The following ZNF382 variants were observed in gnomAD, a reference collection of about 807,000 sequenced individuals.
The protein encoded by ZNF382 is KRAB/zinc finger suppressor protein 1.
In ZNF382, 20 loss-of-function variants were observed where a neutral mutation model predicts 38.8. The ratio of observed to expected loss-of-function variants is 0.51; its 90% CI spans 0.36 to 0.75. The LOEUF (loss-of-function observed/expected upper bound fraction) is 0.75, where lower values mean the gene tolerates loss of function less well. ZNF382 is among the 30% of genes least tolerant of loss of function. The probability of loss-of-function intolerance (pLI) is 0.00; values close to 1 mark genes in which losing one functional copy is unlikely to be tolerated. For missense variants in ZNF382, 546 were observed against 654.1 expected (o/e 0.83, Z 1.80); for synonymous variants, 202 against 223.1 (o/e 0.91, Z 0.84).
rs529168828 is a variant in ZNF382 at position 36,631,762 on chromosome 19, T to G, written c.*4212T>G. 16 of 152,280 alleles carry G rather than the reference T, an allele frequency of 1.1e-4. No individual in the cohort carries two copies. Among genetic ancestry groups the G allele is most frequent in the Admixed American group, 9.2e-4 (14 of 15,280 alleles). 9.4% of individuals were successfully genotyped at this position (152,280 alleles called of 1,614,324 possible). ...AAAATGTCATGTGGTGCATGAGTAT[T>G]TTTCATCTAACTTATATATTGCTCA... On this transcript the variant is annotated 3_prime_UTR_variant, in exon 5 of 5. Transcript: ENST00000292928.
chr19:36,613,998 A>G (rs1436080647), intron 4 of ZNF382, among the ~76,000 whole-genome samples: 1 of 152,148 alleles, frequency 6.6e-6, no homozygotes, highest in African/African-American at 2.4e-5. Context: ...TAACTTTATA[A>G]TAAGTCTGGA....
In ZNF382 at chr19:36,626,545, A is replaced by G; in HGVS notation, c.648A>G (p.Glu216=). 6.2e-7 allele frequency: 1 copy of G among 1,613,318 alleles called. No individual in the cohort carries two copies. The highest frequency in any genetic ancestry group is 8.5e-7 in the Non-Finnish European group (1 of 1,179,802). ...CAGAGCAACCATTTGACCATAATGAATGTGAAAAATCCTTCCTGATGAAAG... is the reference window on the plus strand; with the variant it reads ...CAGAGCAACCATTTGACCATAATGAGTGTGAAAAATCCTTCCTGATGAAAG... The part of the protein sequence containing the change: ...QAPEQPFDHN[E]CEKSFLMKGM... The change falls in exon 5 of 5, where the codon GAA becomes GAG. Residue 216 remains glutamate (E), a synonymous_variant. Coordinates refer to ENST00000292928, the MANE Select transcript of ZNF382 (RefSeq NM_032825.5).
chr19:36,611,902 A>G lies in ZNF382; in HGVS notation c.232+1160A>G, dbSNP rs768606123. On this transcript the variant is annotated intron_variant, in intron 4 of 4. Transcript: ENST00000292928. ...CATGGCTGACTTTCATGCCTCTAAA[A>G]TGTAAATTTTAGGTATGAATATCAC... Among the ~76,000 whole-genome samples, 96 of 152,302 alleles carry G rather than the reference A, an allele frequency of 6.3e-4. 1 individual carries two copies. Among genetic ancestry groups the G allele is most frequent in the Non-Finnish European group, 2.8e-4 (19 of 68,030 alleles).
chr19:36,614,539 A>G (rs974607858), intron 4 of ZNF382, among the ~76,000 whole-genome samples: 4 of 152,166 alleles, frequency 2.6e-5, no homozygotes, highest in Admixed American at 2.6e-4. Flanking sequence ...AGCTTCTCTA[A>G]TTCCTGAAAG....
At chr19:36,621,887 A>G (rs374816443) in intron 4 of ZNF382, among the ~76,000 whole-genome samples, 15 of 152,306 alleles carry the variant, frequency 9.8e-5, no homozygotes, top group East Asian at 3.9e-4. Context: ...TATATGATGG[A>G]TACTATATGT....
chr19:36,632,253 A>G lies in ZNF382; in HGVS notation c.*4703A>G, dbSNP rs2037258326. The stretch of plus-strand genomic sequence containing the variant: ...ACCCAGGCTGGAGTGCAATGGTGCA[A>G]TCTCAGCCCACTGCAACCTCCGCCT... On this transcript the variant is annotated 3_prime_UTR_variant, in exon 5 of 5. Coordinates refer to ENST00000292928, the MANE Select transcript of ZNF382 (RefSeq NM_032825.5). 1 of 152,220 alleles carries G rather than the reference A, an allele frequency of 6.6e-6. No homozygotes were observed. The allele number at this position is 152,220 out of a possible 1,614,324, so 9.4% of individuals were successfully genotyped here. A position where few individuals can be genotyped will look rare whatever the true frequency, so the allele number is the denominator to read the frequency against.
chr19:36,621,813 C>G (rs1460554180), intron 4 of ZNF382, among the ~76,000 whole-genome samples: 2 of 152,052 alleles, frequency 1.3e-5, no homozygotes, highest in African/African-American at 4.8e-5. Flanking sequence ...GGAACCTGTC[C>G]CCTTAGATTG....
In ZNF382 at chr19:36,633,002, C is replaced by T. The variant is rs1415034441; in HGVS notation, c.*5452C>T. ...GGCTCCAACACTAGTCTACAACATG[C>T]ACCTGGGATGTTCTAGATATTTATC... is the stretch of plus-strand genomic sequence containing the variant. On this transcript the variant is annotated 3_prime_UTR_variant, in exon 5 of 5. Coordinates refer to ENST00000292928, the MANE Select transcript of ZNF382 (RefSeq NM_032825.5). The T allele has an allele frequency of 6.6e-6, 1 of 151,928 alleles. No individual in the cohort carries two copies. Among genetic ancestry groups the T allele is most frequent in the Non-Finnish European group, 1.5e-5 (1 of 68,016 alleles). 9.4% of individuals were successfully genotyped at this position (151,928 alleles called of 1,614,324 possible).
At chr19:36,609,854 G>C in intron 2 of ZNF382, 48 bp from the exon 3 acceptor site, 1 of 1,523,074 alleles carries the variant, frequency 6.6e-7, no homozygotes, top group South Asian at 1.3e-5. Context: ...AACATTGTCA[G>C]TACTAGGTCT....
At chr19:36,605,737 G>A (rs2037016667) in intron 1 of ZNF382, 1 of 152,390 alleles carries the variant, frequency 6.6e-6, no homozygotes, top group African/African-American at 2.4e-5. Context: ...TTAGGTGCTT[G>A]CCTCTCTTTG....
intron 4 of ZNF382, among the ~76,000 whole-genome samples, chr19:36,615,406 G>A (rs1258287458): frequency 1.3e-5 from 2 of 152,172 alleles, no homozygotes; most frequent in African/African-American, 4.8e-5. Context: ...TTCTATAACA[G>A]ATTGGCAAAT....
chr19:36,621,008 C>G (rs1268639738), intron 4 of ZNF382, among the ~76,000 whole-genome samples: 1 of 152,094 alleles, frequency 6.6e-6, no homozygotes, highest in Non-Finnish European at 1.5e-5. Context: ...ATGTGCCCAC[C>G]TTCGCCTCCG....
intron 1 of ZNF382, among the ~76,000 whole-genome samples, chr19:36,606,308 GA>G (rs1406194450): frequency 8.8e-6 from 1 of 114,136 alleles, no homozygotes; most frequent in East Asian, 2.2e-4. Context: ...GGACATGCAG[GA>G]AATTTTTTTT....
At chr19:36,614,985 T>C (rs2037114073) in intron 4 of ZNF382, among the ~76,000 whole-genome samples, 1 of 121,860 alleles carries the variant, frequency 8.2e-6, no homozygotes, top group African/African-American at 3.5e-5. Flanking sequence ...TTTCCTTCTT[T>C]CTTTTTTTTT....
chr19:36,609,966 C>T lies in ZNF382; in HGVS notation c.52C>T (p.Gln18Ter), dbSNP rs1280108959. The change falls in exon 3 of 5, where the codon CAG becomes TAG. Residue 18 changes from glutamine to a stop codon, truncating the protein, a stop_gained. Transcript: ENST00000292928. LOFTEE classifies it high-confidence loss of function. ...CAAGGATGTGACTGTGGACTTCACC[C>T]AGGAGGAGTGGCAGCAACTAGACCC... ...SFKDVTVDFT[Q>*]EEWQQLDPAQ... is the part of the protein sequence containing the mutation. 6.2e-7 allele frequency: 1 copy of T among 1,613,976 alleles called. No individual in the cohort carries two copies. The highest frequency in any genetic ancestry group is 1.7e-5 in the Admixed American group (1 of 59,944).
chr19:36,620,774 A>G (rs1340370810), intron 4 of ZNF382, among the ~76,000 whole-genome samples: 1 of 148,376 alleles, frequency 6.7e-6, no homozygotes, highest in Non-Finnish European at 1.5e-5. Flanking sequence ...TTTTTTTTTA[A>G]TTGAGATGGA....
At chr19:36,623,994 C>T (rs2037190500) in intron 4 of ZNF382, among the ~76,000 whole-genome samples, 1 of 151,818 alleles carries the variant, frequency 6.6e-6, no homozygotes, top group African/African-American at 2.4e-5. Flanking sequence ...GAGGCTGAGG[C>T]AGGAGAATCA....
At chr19:36,625,500 A>ATT (rs969506441) in intron 4 of ZNF382, among the ~76,000 whole-genome samples, 5 of 149,736 alleles carry the variant, frequency 3.3e-5, no homozygotes, top group African/African-American at 1.2e-4. Context: ...TGAATCTTCC[A>ATT]TTCCAAGTAG....
chr19:36,627,859 C>A lies in ZNF382; in HGVS notation c.*309C>A. The stretch of plus-strand genomic sequence containing the variant: ...CCATTTCCATACATATCTTTTTGTT[C>A]ATCAGTAATAACTAGTTGGCCAACT... On this transcript the variant is annotated 3_prime_UTR_variant, in exon 5 of 5. Transcript: ENST00000292928. 3.8e-6 allele frequency: 1 copy of A among 264,390 alleles called. No homozygotes were observed. Among genetic ancestry groups the A allele is most frequent in the Non-Finnish European group, 7.3e-6 (1 of 137,484 alleles). The allele number at this position is 264,390 out of a possible 1,614,324, so 16.4% of individuals were successfully genotyped here.
Sources: gnomAD v4.1 joint callset for allele counts (sites outside exome capture counted in the v4.1 genomes callset) on GRCh38, gnomAD v4.1.1 for gene constraint, MANE v1.5 for transcripts, NCBI Gene and HGNC (gene_info 2026-07-23, HGNC 2026-07-21) for gene names.